The following ATE1 variants were observed in gnomAD, a reference collection of about 807,000 sequenced individuals.
The protein encoded by ATE1 is arginyltransferase 1, also known as arginyl-tRNA--protein transferase 1.
In ATE1, 36 loss-of-function variants were observed where a neutral mutation model predicts 70.5. The ratio of observed to expected loss-of-function variants is 0.51; its 90% CI spans 0.39 to 0.67. The LOEUF (loss-of-function observed/expected upper bound fraction) is 0.67, where lower values mean the gene tolerates loss of function less well. Among genes scored for constraint, ATE1 ranks in the 30% least tolerant of loss-of-function variants. ATE1 has a pLI of 0.00. For missense variants in ATE1, 593 were observed against 629.5 expected (o/e 0.94, Z 0.62); for synonymous variants, 232 against 219.3 (o/e 1.06, Z -0.51).
In ATE1 at chr10:121,790,962, A is replaced by ATGTG. The variant is rs10670497; in HGVS notation, c.1258-677_1258-674dup. On this transcript the variant is annotated intron_variant, in intron 10 of 11. Coordinates refer to ENST00000224652, the MANE Select transcript of ATE1 (RefSeq NM_001001976.3). ...TGTACATATATATGTGTATATATAT[A>ATGTG]TGTGTGTGTACATATATGTGTGTAT... Among the ~76,000 whole-genome samples the ATGTG allele has an allele frequency of 4.1e-3, 623 of 150,952 alleles. 1 individual carries two copies. The highest frequency in any genetic ancestry group is 0.011 in the East Asian group (56 of 5,118).
At chr10:121,861,104 T>C (rs1280915712) in intron 8 of ATE1, among the ~76,000 whole-genome samples, 1 of 152,110 alleles carries the variant, frequency 6.6e-6, no homozygotes, top group East Asian at 1.9e-4. Context: ...GCAATGAAAA[T>C]TGTCAAGGCA....
At chr10:121,795,557 G>A (rs1287257862) in intron 10 of ATE1, among the ~76,000 whole-genome samples, 4 of 152,126 alleles carry the variant, frequency 2.6e-5, no homozygotes, top group East Asian at 1.9e-4. Context: ...TATCTCACTC[G>A]AAGACCATAA....
intron 11 of ATE1, among the ~76,000 whole-genome samples, chr10:121,762,679 G>T (rs1047895205): frequency 2.0e-5 from 3 of 152,156 alleles, no homozygotes; most frequent in African/African-American, 7.2e-5. Context: ...GTCCTGTTGA[G>T]GACTGGTTCC....
rs957555263 is a variant in ATE1 at position 121,840,772 on chromosome 10, T to C, written c.1157+310A>G. Among the ~76,000 whole-genome samples the C allele has an allele frequency of 3.3e-5, 5 of 150,554 alleles. No homozygotes were observed. In the South Asian group the frequency reaches 1.0e-3, roughly 31 times the overall value. ...TATATATTACATAACTATATACTTA[T>C]ATAATATGTATATTTCCTATAAACT... On this transcript the variant is annotated intron_variant, in intron 9 of 11. Transcript: ENST00000224652.
chr10:121,745,055 A>G (rs1944293379), intron 11 of ATE1, among the ~76,000 whole-genome samples: 1 of 152,108 alleles, frequency 6.6e-6, no homozygotes, highest in African/African-American at 2.4e-5. Flanking sequence ...GCAACTGAGG[A>G]CTTCATGGAA....
chr10:121,911,340 G>GT (rs1951416238), intron 4 of ATE1, among the ~76,000 whole-genome samples, 189 bp from the exon 5 acceptor site: 1 of 151,358 alleles, frequency 6.6e-6, no homozygotes, highest in African/African-American at 2.4e-5. Flanking sequence ...GTTCATGCCT[G>GT]TAATTCCAGC....
Position 121,763,571 on chromosome 10 carries a change from G to C in ATE1, c.1379-19713C>G, listed in dbSNP as rs187414404. Among the ~76,000 whole-genome samples the C allele has an allele frequency of 1.2e-4, 19 of 152,274 alleles. 1 individual carries two copies. The South Asian group carries it at 1.7e-3, about 13-fold the overall frequency. On this transcript the variant is annotated intron_variant, in intron 11 of 11. Coordinates refer to ENST00000224652, the MANE Select transcript of ATE1 (RefSeq NM_001001976.3). ...AGGTAAAACTATGTAGACAGTAAAA[G>C]AATCAGGGGTTGCCAGAGGATGGAG...
chr10:121,898,879 T>C (rs1320079519), intron 7 of ATE1: 11 of 1,613,904 alleles, frequency 6.8e-6, no homozygotes, highest in Non-Finnish European at 8.5e-6. Flanking sequence ...TCCTGGTGTA[T>C]GGCCACTTGA....
intron 11 of ATE1, among the ~76,000 whole-genome samples, chr10:121,762,621 A>G (rs922823501): frequency 6.6e-6 from 1 of 152,040 alleles, no homozygotes; most frequent in Non-Finnish European, 1.5e-5. Context: ...AAATGGTCCC[A>G]GTGTGAGTGA....
intron 8 of ATE1, among the ~76,000 whole-genome samples, chr10:121,856,368 A>G (rs1350908975): frequency 6.6e-6 from 1 of 151,780 alleles, no homozygotes; most frequent in Non-Finnish European, 1.5e-5. Flanking sequence ...CGTCTCTACT[A>G]AAAATACAAA....
chr10:121,907,764 G>A (rs925500483), intron 5 of ATE1, among the ~76,000 whole-genome samples: 3 of 150,610 alleles, frequency 2.0e-5, no homozygotes, highest in Admixed American at 6.6e-5. Flanking sequence ...GCGAGACTCC[G>A]TCTCGAAAAA....
chr10:121,830,445 G>A lies in ATE1; in HGVS notation c.1257+6273C>T, dbSNP rs142890184. Among the ~76,000 whole-genome samples the A allele has an allele frequency of 2.9e-3, 446 of 152,250 alleles. 4 individuals are homozygous for A. The highest frequency in any genetic ancestry group is 1.0e-2 in the African/African-American group (414 of 41,550). On this transcript the variant is annotated intron_variant, in intron 10 of 11. Coordinates refer to ENST00000224652, the MANE Select transcript of ATE1 (RefSeq NM_001001976.3). ...CTCCACCCCACTGTGACACAGCATA[G>A]GACCCTCACCAGAAGCTGGGCAGAT... is the stretch of plus-strand genomic sequence containing the variant.
At chr10:121,776,962 C>A (rs1945772335) in intron 11 of ATE1, among the ~76,000 whole-genome samples, 2 of 152,224 alleles carry the variant, frequency 1.3e-5, no homozygotes, top group South Asian at 2.1e-4. Context: ...GGTGGGTACA[C>A]ACTAACTTGG....
At chr10:121,880,025 T>C (rs983041314) in intron 7 of ATE1, among the ~76,000 whole-genome samples, 2 of 152,052 alleles carry the variant, frequency 1.3e-5, no homozygotes, top group South Asian at 2.1e-4. Flanking sequence ...TAGGGATAAA[T>C]AGAAAATACC....
intron 7 of ATE1, among the ~76,000 whole-genome samples, chr10:121,889,889 TAC>T (rs1396135419): frequency 6.6e-6 from 1 of 152,190 alleles, no homozygotes; most frequent in East Asian, 1.9e-4. Flanking sequence ...ATAGAATTTC[TAC>T]AGTTTTTAAA....
At chr10:121,857,754 C>G (rs1003891106) in intron 8 of ATE1, among the ~76,000 whole-genome samples, 10 of 152,174 alleles carry the variant, frequency 6.6e-5, no homozygotes, top group African/African-American at 2.4e-5. Context: ...CAAGTACATT[C>G]ACATTATCAT....
Position 121,878,526 on chromosome 10 carries a change from G to C in ATE1, c.943-8488C>G, listed in dbSNP as rs534120073. Among the ~76,000 whole-genome samples the C allele has an allele frequency of 9.2e-5, 14 of 151,846 alleles. No individual in the cohort carries two copies. The South Asian group carries it at 1.7e-3, about 18-fold the overall frequency. Reference sequence around the variant, plus strand: ...GAGAATTGCCTGAACTCAGGAGGCAGAGGTTGCAGTGAACCGAGATCACAC... The same window carrying C: ...GAGAATTGCCTGAACTCAGGAGGCACAGGTTGCAGTGAACCGAGATCACAC... On this transcript the variant is annotated intron_variant, in intron 7 of 11. Transcript: ENST00000224652.
intron 7 of ATE1, among the ~76,000 whole-genome samples, chr10:121,891,284 C>T (rs1266381969): frequency 6.6e-6 from 1 of 152,048 alleles, no homozygotes; most frequent in Admixed American, 6.6e-5. Context: ...GACTGACCCT[C>T]CCACCCTAGT....
intron 7 of ATE1, among the ~76,000 whole-genome samples, chr10:121,886,946 T>C (rs1950418627): frequency 6.6e-6 from 1 of 152,104 alleles, no homozygotes; most frequent in South Asian, 2.1e-4. Context: ...TATACAAAAA[T>C]GTAAGCCATT....
Sources: gnomAD v4.1 joint callset for allele counts (sites outside exome capture counted in the v4.1 genomes callset) on GRCh38, gnomAD v4.1.1 for gene constraint, MANE v1.5 for transcripts, NCBI Gene and HGNC (gene_info 2026-07-23, HGNC 2026-07-21) for gene names.